Variants in SSBP2 observed in about 807,000 individuals in gnomAD.
SSBP2 encodes the protein single-stranded DNA-binding protein 2.
SSBP2 carries 17 observed loss-of-function variants against 61.8 expected under a neutral mutation model. The ratio of observed to expected loss-of-function variants is 0.28; its 90% CI spans 0.19 to 0.41. The LOEUF is 0.41. SSBP2 is among the 10% of genes least tolerant of loss of function. The probability of loss-of-function intolerance (pLI) is 1.00; values close to 1 mark genes in which losing one functional copy is unlikely to be tolerated. For synonymous variants in SSBP2, 139 were observed against 141.3 expected (o/e 0.98, Z 0.12); for missense variants, 310 against 458.7 (o/e 0.68, Z 2.96).
chr5:81,735,922 T>C (rs6867759), intron 1 of SSBP2, among the ~76,000 whole-genome samples: 11,704 of 152,210 alleles, frequency 0.077, 1,485 homozygotes, highest in African/African-American at 0.27. Context: ...TCAATCCTTC[T>C]GTGTTTTATT....
intron 10 of SSBP2, among the ~76,000 whole-genome samples, chr5:81,460,806 A>T (rs1764484419): frequency 6.6e-6 from 1 of 152,102 alleles, no homozygotes. Flanking sequence ...CACTATTTCA[A>T]TTTTTATTTT....
intron 4 of SSBP2, among the ~76,000 whole-genome samples, chr5:81,525,562 C>T (rs762924121): frequency 6.6e-6 from 1 of 152,026 alleles, no homozygotes; most frequent in Non-Finnish European, 1.5e-5. Flanking sequence ...ATTTCCACTG[C>T]TGAGTCTGCA....
intron 1 of SSBP2, among the ~76,000 whole-genome samples, chr5:81,681,340 C>A (rs1752362528): frequency 6.6e-6 from 1 of 151,788 alleles, no homozygotes; most frequent in African/African-American, 2.4e-5. Flanking sequence ...GCCAACGTGG[C>A]AAAACCCCAT....
intron 1 of SSBP2, among the ~76,000 whole-genome samples, chr5:81,733,304 C>A (rs554641828): frequency 3.3e-5 from 5 of 151,850 alleles, no homozygotes; most frequent in Non-Finnish European, 5.9e-5. Context: ...ACTAATCATA[C>A]AGTAATAAAC....
At chr5:81,431,687 T>C (rs1580661702) in intron 15 of SSBP2, among the ~76,000 whole-genome samples, 1 of 152,240 alleles carries the variant, frequency 6.6e-6, no homozygotes, top group South Asian at 2.1e-4. Flanking sequence ...TGGGCTCAAG[T>C]GATGCTTCTG....
chr5:81,560,386 GA>G (rs544210418), intron 4 of SSBP2, among the ~76,000 whole-genome samples: 2 of 150,066 alleles, frequency 1.3e-5, no homozygotes, highest in South Asian at 2.1e-4. Context: ...AGGGTTGCAG[GA>G]AAAAAAAAGA....
chr5:81,508,047 T>C (rs543555417), intron 5 of SSBP2, among the ~76,000 whole-genome samples: 1 of 152,282 alleles, frequency 6.6e-6, no homozygotes, highest in East Asian at 1.9e-4. Context: ...AATGAATAAA[T>C]AGCATATCGA....
At chr5:81,564,652 A>G (rs1010532819) in intron 4 of SSBP2, among the ~76,000 whole-genome samples, 2 of 152,216 alleles carry the variant, frequency 1.3e-5, no homozygotes, top group African/African-American at 4.8e-5. Flanking sequence ...ACAGTGACTG[A>G]TGTTTTAGCT....
Position 81,525,105 on chromosome 5 carries a change from T to C in SSBP2, c.283-11388A>G, listed in dbSNP as rs562299064. ...TGTGCCAAAAGAGAGTTCATTTCTTTCTTCTATTTGCTAGATTCCCTGACT... is the reference window on the plus strand; with the variant it reads ...TGTGCCAAAAGAGAGTTCATTTCTTCCTTCTATTTGCTAGATTCCCTGACT... On this transcript the variant is annotated intron_variant, in intron 4 of 16. Transcript: ENST00000320672. 2.0e-4 allele frequency among the ~76,000 whole-genome samples: 30 copies of C among 152,142 alleles called. No individual in the cohort carries two copies. In the South Asian group the frequency reaches 2.3e-3, roughly 12 times the overall value.
At chr5:81,569,270 C>T (rs1204597385) in intron 4 of SSBP2, among the ~76,000 whole-genome samples, 1 of 152,112 alleles carries the variant, frequency 6.6e-6, no homozygotes, top group Non-Finnish European at 1.5e-5. Flanking sequence ...AGACATAAAA[C>T]AGTTCTATCA....
intron 1 of SSBP2, among the ~76,000 whole-genome samples, chr5:81,736,186 A>ACT (rs1756609502): frequency 1.9e-5 from 1 of 51,662 alleles, no homozygotes; most frequent in Admixed American, 2.1e-4. Context: ...ACACACACAC[A>ACT]CACTCTACGG....
chr5:81,474,652 T>A (rs1765468775), intron 6 of SSBP2, 90 bp from the exon 7 acceptor site: 1 of 895,374 alleles, frequency 1.1e-6, no homozygotes, highest in South Asian at 1.8e-5. Flanking sequence ...GCTTGTATGA[T>A]AATTACAAGA....
chr5:81,678,141 G>A (rs1752123166), intron 1 of SSBP2, among the ~76,000 whole-genome samples: 1 of 152,130 alleles, frequency 6.6e-6, no homozygotes, highest in Non-Finnish European at 1.5e-5. Flanking sequence ...TGACTAATAT[G>A]CTAAGGCTTT....
chr5:81,525,387 C>T (rs980248714), intron 4 of SSBP2, among the ~76,000 whole-genome samples: 1 of 151,920 alleles, frequency 6.6e-6, no homozygotes, highest in African/African-American at 2.4e-5. Flanking sequence ...TTTGTGTCCA[C>T]ATCTTTTAAT....
At chr5:81,695,679 C>T (rs1488695222) in intron 1 of SSBP2, among the ~76,000 whole-genome samples, 1 of 151,964 alleles carries the variant, frequency 6.6e-6, no homozygotes, top group Non-Finnish European at 1.5e-5. Context: ...TTAGATATTA[C>T]TAATGTCATT....
At chr5:81,552,735 T>C (rs1772302623) in intron 4 of SSBP2, among the ~76,000 whole-genome samples, 1 of 151,734 alleles carries the variant, frequency 6.6e-6, no homozygotes, top group African/African-American at 2.4e-5. Context: ...TGAAGAGGAA[T>C]TGGTAGAACA....
chr5:81,542,969 T>C (rs1771419390), intron 4 of SSBP2, among the ~76,000 whole-genome samples: 1 of 151,878 alleles, frequency 6.6e-6, no homozygotes, highest in African/African-American at 2.4e-5. Context: ...ATTCTCCTGC[T>C]TCAGCCTCCC....
intron 4 of SSBP2, among the ~76,000 whole-genome samples, chr5:81,558,718 T>C (rs941998664): frequency 6.6e-6 from 1 of 152,250 alleles, no homozygotes; most frequent in African/African-American, 2.4e-5. Flanking sequence ...TAAACTTGTA[T>C]TTTGCTTTCT....
At chr5:81,681,434 C>T (rs554133864) in intron 1 of SSBP2, among the ~76,000 whole-genome samples, 13 of 150,858 alleles carry the variant, frequency 8.6e-5, no homozygotes, top group Admixed American at 5.3e-4. Flanking sequence ...ACGGAAGAAT[C>T]GCTTGAACCC....
Sources: gnomAD v4.1 joint callset for allele counts (sites outside exome capture counted in the v4.1 genomes callset) on GRCh38, gnomAD v4.1.1 for gene constraint, MANE v1.5 for transcripts, NCBI Gene and HGNC (gene_info 2026-07-23, HGNC 2026-07-21) for gene names.